Variants in FOXN3 observed in about 807,000 individuals in gnomAD.
FOXN3 encodes forkhead box protein N3.
FOXN3 carries 7 observed loss-of-function variants against 38.4 expected under a neutral mutation model. The ratio of observed to expected loss-of-function variants is 0.18; its 90% CI spans 0.10 to 0.34. The LOEUF (loss-of-function observed/expected upper bound fraction) is 0.34. Ranked by LOEUF, FOXN3 falls within the 10% of genes least tolerant of loss-of-function variation. FOXN3 has a pLI of 1.00. For missense variants in FOXN3, 456 were observed against 613.4 expected, an observed-to-expected ratio of 0.74 and a Z score of 2.71; for synonymous variants, 230 against 242.2, an observed-to-expected ratio of 0.95 and a Z score of 0.47.
intron 1 of FOXN3, among the ~76,000 whole-genome samples, chr14:89,554,782 C>CTTTTTTTTT (rs34530866): frequency 5.8e-5 from 4 of 68,586 alleles, no homozygotes; most frequent in African/African-American, 1.5e-4. Context: ...ACTAGCATTT[C>CTTTTTTTTT]TTTTTTTTTT....
chr14:89,209,339 T>C (rs964401815), intron 4 of FOXN3, among the ~76,000 whole-genome samples: 5 of 152,156 alleles, frequency 3.3e-5, no homozygotes, highest in Non-Finnish European at 7.4e-5. Flanking sequence ...CCCTGACGAA[T>C]GGCCAATATT....
At chr14:89,492,755 C>T (rs1454389996) in intron 1 of FOXN3, among the ~76,000 whole-genome samples, 2 of 152,182 alleles carry the variant, frequency 1.3e-5, no homozygotes, top group African/African-American at 4.8e-5. Context: ...ATAGAAGACA[C>T]AAATTTCAAT....
intron 1 of FOXN3, among the ~76,000 whole-genome samples, chr14:89,612,177 G>A (rs1239159416): frequency 6.6e-6 from 1 of 152,010 alleles, no homozygotes; most frequent in Non-Finnish European, 1.5e-5. Flanking sequence ...CTGTAGAATG[G>A]GACATTAATG....
intron 1 of FOXN3, among the ~76,000 whole-genome samples, chr14:89,565,023 G>A (rs907164104): frequency 5.3e-5 from 8 of 150,316 alleles, no homozygotes; most frequent in Admixed American, 4.7e-4. Flanking sequence ...GAACCCAGGA[G>A]GCGGAGGTTG....
intron 5 of FOXN3, among the ~76,000 whole-genome samples, chr14:89,176,864 T>TAC (rs1255974144): frequency 1.3e-5 from 2 of 152,184 alleles, no homozygotes; most frequent in African/African-American, 4.8e-5. Flanking sequence ...TACAAGCAAG[T>TAC]ACCCCTAATG....
chr14:89,278,579 C>A (rs1462041668), intron 4 of FOXN3, among the ~76,000 whole-genome samples: 2 of 152,084 alleles, frequency 1.3e-5, no homozygotes, highest in African/African-American at 4.8e-5. Flanking sequence ...CCCACAGCAC[C>A]CTAAAGAAAG....
chr14:89,546,001 T>A (rs78716941), intron 1 of FOXN3, among the ~76,000 whole-genome samples: 2,378 of 152,336 alleles, frequency 0.016, 65 homozygotes, highest in African/African-American at 0.054. Flanking sequence ...CAGAGTTAAA[T>A]GCTCAATCAA....
At chr14:89,526,463 T>C (rs1413617463) in intron 1 of FOXN3, among the ~76,000 whole-genome samples, 1 of 152,220 alleles carries the variant, frequency 6.6e-6, no homozygotes. Flanking sequence ...TTCTATATCT[T>C]GGCAAACAAC....
chr14:89,203,085 T>TG (rs144245617), intron 4 of FOXN3, among the ~76,000 whole-genome samples: 517 of 29,110 alleles, frequency 0.018, 3 homozygotes, highest in African/African-American at 0.058. Flanking sequence ...CCAGGGAATG[T>TG]GGGGGGGGTG....
intron 4 of FOXN3, among the ~76,000 whole-genome samples, chr14:89,256,350 A>G (rs1885620159): frequency 6.6e-6 from 1 of 152,184 alleles, no homozygotes; most frequent in Non-Finnish European, 1.5e-5. Context: ...TTAGGCTTGG[A>G]CAGATGATTG....
At chr14:89,525,693 AT>A (rs1325803599) in intron 1 of FOXN3, among the ~76,000 whole-genome samples, 4 of 151,654 alleles carry the variant, frequency 2.6e-5, no homozygotes, top group Non-Finnish European at 4.4e-5. Context: ...TCCACCAAAC[AT>A]TTAAGGAAAA....
chr14:89,609,909 C>T (rs1378603693), intron 1 of FOXN3, among the ~76,000 whole-genome samples: 1 of 152,004 alleles, frequency 6.6e-6, no homozygotes, highest in African/African-American at 2.4e-5. Flanking sequence ...GCGGCGGCGG[C>T]TGGCGGTCCA....
intron 3 of FOXN3, among the ~76,000 whole-genome samples, chr14:89,315,665 G>A (rs1887698141): frequency 6.6e-6 from 1 of 152,206 alleles, no homozygotes; most frequent in Non-Finnish European, 1.5e-5. Context: ...GAAAACTGCA[G>A]GGAATTTTAG....
At chr14:89,580,845 T>C (rs1895725405) in intron 1 of FOXN3, among the ~76,000 whole-genome samples, 1 of 152,218 alleles carries the variant, frequency 6.6e-6, no homozygotes, top group Non-Finnish European at 1.5e-5. Flanking sequence ...ATTCCCCTTC[T>C]GGGGTCAGAG....
Position 89,564,238 on chromosome 14 carries a change from A to C in FOXN3, c.-15+54790T>G, listed in dbSNP as rs552035534. On this transcript the variant is annotated intron_variant, in intron 1 of 6. Coordinates refer to the FOXN3 transcript ENST00000345097. ...CATTGTGATTACTAAATATACAATA[A>C]ATAATATAGAATAATCCAAATTATA... 1.4e-4 allele frequency among the ~76,000 whole-genome samples: 22 copies of C among 152,284 alleles called. No homozygotes were observed. The South Asian group carries it at 4.6e-3, about 32-fold the overall frequency.
chr14:89,334,352 G>A (rs1015505599), intron 3 of FOXN3, among the ~76,000 whole-genome samples: 28 of 152,188 alleles, frequency 1.8e-4, no homozygotes, highest in Non-Finnish European at 2.4e-4. Context: ...GCTCACGCCT[G>A]TAATCCCAGC....
chr14:89,611,610 T>C (rs182287010), intron 1 of FOXN3, among the ~76,000 whole-genome samples: 3 of 152,040 alleles, frequency 2.0e-5, no homozygotes, highest in South Asian at 2.1e-4. Context: ...ATCGAGACCA[T>C]CCTGGTTAAC....
Position 89,528,361 on chromosome 14 carries a change from T to A in FOXN3, c.-15+90667A>T, listed in dbSNP as rs1396334861. On this transcript the variant is annotated intron_variant, in intron 1 of 6. Coordinates refer to the FOXN3 transcript ENST00000345097. ...AGAGGATAGAAGTGTTCATCCATAC[T>A]CAACATGGATGAATCTTTTTTTTTT... Among the ~76,000 whole-genome samples, 4 of 132,828 alleles carry A rather than the reference T, an allele frequency of 3.0e-5. No individual in the cohort carries two copies. In the East Asian group the frequency reaches 7.8e-4, roughly 26 times the overall value. 87.1% of individuals were successfully genotyped at this position (132,828 alleles called of 152,430 possible).
intron 3 of FOXN3, among the ~76,000 whole-genome samples, chr14:89,335,025 CA>C (rs772500213): frequency 2.0e-5 from 3 of 151,854 alleles, no homozygotes; most frequent in Non-Finnish European, 4.4e-5. Flanking sequence ...TCAGCCTCCC[CA>C]AGTGCTGGGA....
Sources: gnomAD v4.1 joint callset for allele counts (sites outside exome capture counted in the v4.1 genomes callset) on GRCh38, gnomAD v4.1.1 for gene constraint, MANE v1.5 for transcripts, NCBI Gene and HGNC (gene_info 2026-07-23, HGNC 2026-07-21) for gene names.